The following SON variants were observed in gnomAD, a reference collection of about 807,000 sequenced individuals.
The protein encoded by SON is SON DNA and RNA binding protein, also known as protein SON.
SON carries 4 observed loss-of-function variants against 173.3 expected under a neutral mutation model. That is an observed-to-expected ratio of 0.02 (90% CI 0.01 to 0.05). The LOEUF is 0.05. Ranked by LOEUF, SON falls within the 10% of genes least tolerant of loss-of-function variation. The probability of loss-of-function intolerance (pLI) is 1.00; values close to 1 mark genes in which losing one functional copy is unlikely to be tolerated. For synonymous variants in SON, 1,190 were observed against 1,105.9 expected (o/e 1.08, Z -1.51); for missense variants, 2,626 against 3,055.3 (o/e 0.86, Z 3.31).
intron 8 of SON, among the ~76,000 whole-genome samples, chr21:33,571,513 C>G (rs1036573578): frequency 2.0e-5 from 3 of 152,154 alleles, no homozygotes; most frequent in Non-Finnish European, 4.4e-5. Context: ...TATCAGTAGT[C>G]TCATTAATCA....
At position 33,550,556 on chromosome 21, in the gene SON, C is replaced by G; in HGVS notation, c.1325C>G (p.Ser442Cys). The G allele has an allele frequency of 6.2e-7, 1 of 1,613,914 alleles. No homozygotes were observed. The highest frequency in any genetic ancestry group is 8.5e-7 in the Non-Finnish European group (1 of 1,179,940). ...ATAVPELPGPSVTPVPQLSQE... is the reference protein window; with the variant it reads ...ATAVPELPGPCVTPVPQLSQE... ...GCAGTGCCTGAGTTGCCAGGGCCCTCTGTGACACCAGTGCCACAGTTGTCG... is the reference window on the plus strand; with the variant it reads ...GCAGTGCCTGAGTTGCCAGGGCCCTGTGTGACACCAGTGCCACAGTTGTCG... The change falls in exon 3 of 12, where the codon TCT (serine) becomes TGT (cysteine). Residue 442 changes from serine (S) to cysteine (C), a missense_variant. Ser to Cys is a moderately radical substitution (Grantham distance 112). Coordinates refer to ENST00000356577, the MANE Select transcript of SON (RefSeq NM_138927.4).
In SON at chr21:33,552,645, C is replaced by G. The variant is rs1370100785; in HGVS notation, c.3414C>G (p.Asp1138Glu). ...ATTCTTACACCGATTCTTACACTGA[C>G]ACATATACAGAGGCATATATGGTGC... ...AADSYTDSYT[D>E]TYTEAYMVPP... The change falls in exon 3 of 12, where the codon GAC becomes GAG. Residue 1138 changes from aspartate (D) to glutamate (E), a missense_variant. Coordinates refer to ENST00000356577, the MANE Select transcript of SON (RefSeq NM_138927.4). This position sits in a 1 kb window ranked among gnomAD's most constrained non-coding sequence, Gnocchi z 5.6. The G allele has an allele frequency of 6.2e-7, 1 of 1,614,072 alleles. No individual in the cohort carries two copies. The highest frequency in any genetic ancestry group is 8.5e-7 in the Non-Finnish European group (1 of 1,180,008).
In SON at chr21:33,575,550, A is replaced by C. The variant is rs9978525; in HGVS notation, c.7034-46A>C. The C allele has an allele frequency of 0.12, 173,521 of 1,449,308 alleles. 15,526 individuals carry two copies. The highest frequency in any genetic ancestry group is 0.49 in the East Asian group (21,442 of 43,778). The allele number at this position is 1,449,308 out of a possible 1,614,324, so 89.8% of individuals were successfully genotyped here. A position where few individuals can be genotyped will look rare whatever the true frequency, so the allele number is the denominator to read the frequency against. ...ACTCCTACAGAGGGATCTTTGTTTT[A>C]AAGTGGTGCTTTGAAATTTATTTAG... On this transcript the variant is annotated intron_variant, in intron 9 of 11. Transcript: ENST00000356577.
In SON at chr21:33,552,063, A is replaced by G. The variant is rs532698137; in HGVS notation, c.2832A>G (p.Leu944=). Residue 944 remains leucine (L), a synonymous_variant, in exon 3 of 12, where the codon TTA becomes TTG. Coordinates refer to ENST00000356577, the MANE Select transcript of SON (RefSeq NM_138927.4). This position sits in a 1 kb window ranked among gnomAD's most constrained non-coding sequence, Gnocchi z 5.6. ...PYRLGHDAYR[L]GQDPYRLGHD... ...GATTAGGTCATGATGCTTACAGGTT[A>G]GGACAAGACCCTTATAGATTAGGCC... The G allele has an allele frequency of 1.9e-6, 3 of 1,614,120 alleles. No individual in the cohort carries two copies. The highest frequency in any genetic ancestry group is 3.3e-5 in the Admixed American group (2 of 60,022).
rs1445969005 is a variant in SON, at chr21:33,547,966, A to T, written c.245-1510A>T. On this transcript the variant is annotated intron_variant, in intron 2 of 11. Transcript: ENST00000356577. Reference sequence around the variant, plus strand: ...TCTTGATCTCCTGGCCTCGTGATCCACACGTCTTGGCCTCCCAAAGTGCTG... The same window carrying T: ...TCTTGATCTCCTGGCCTCGTGATCCTCACGTCTTGGCCTCCCAAAGTGCTG... 2.0e-5 allele frequency among the ~76,000 whole-genome samples: 3 copies of T among 151,300 alleles called. No individual in the cohort carries two copies. The East Asian group carries it at 5.8e-4, about 29-fold the overall frequency.
At position 33,550,382 on chromosome 21, in the gene SON, C is replaced by T. The variant is rs779585403; in HGVS notation, c.1151C>T (p.Pro384Leu). 5.6e-6 allele frequency: 9 copies of T among 1,614,076 alleles called. No individual in the cohort carries two copies. Among genetic ancestry groups the T allele is most frequent in the Non-Finnish European group, 6.8e-6 (8 of 1,180,026 alleles). ...ESSVASAMEL[P>L]GPPATSMPEL... is the part of the protein sequence containing the mutation. ...TCGGTGGCCTCAGCGATGGAGTTGC[C>T]GGGGCCACCTGCGACCTCCATGCCG... The change falls in exon 3 of 12, where the codon CCG becomes CTG. Residue 384 changes from proline (P) to leucine (L), a missense_variant. Physicochemically the swap from Pro to Leu is moderately conservative, Grantham distance 98. Coordinates refer to ENST00000356577, the MANE Select transcript of SON (RefSeq NM_138927.4).
chr21:33,555,834 G>A (rs1279122541), intron 3 of SON, among the ~76,000 whole-genome samples: 1 of 152,190 alleles, frequency 6.6e-6, no homozygotes, highest in East Asian at 1.9e-4. Flanking sequence ...TTATAGGACT[G>A]TTAAATGAAG....
rs1039987400 is a variant in SON, at chr21:33,549,081, G to T, written c.245-395G>T. Reference sequence around the variant, plus strand: ...TTAACGTGAGGTGTTATACTGTGGGGTTTTTTTTTTTTTTTGAGACAGAGT... The same window carrying T: ...TTAACGTGAGGTGTTATACTGTGGGTTTTTTTTTTTTTTTTGAGACAGAGT... On this transcript the variant is annotated intron_variant, in intron 2 of 11. Coordinates refer to ENST00000356577, the MANE Select transcript of SON (RefSeq NM_138927.4). Among the ~76,000 whole-genome samples, 534 of 141,236 alleles carry T rather than the reference G, an allele frequency of 3.8e-3. 3 individuals are homozygous for T. Among genetic ancestry groups the T allele is most frequent in the African/African-American group, 0.013 (493 of 38,694 alleles). 92.7% of individuals were successfully genotyped at this position (141,236 alleles called of 152,430 possible). A position where few individuals can be genotyped will look rare whatever the true frequency, so the allele number is the denominator to read the frequency against.
In SON at chr21:33,554,922, C is replaced by T. The variant is rs2085926509; in HGVS notation, c.5691C>T (p.His1897=). 1 of 1,613,996 alleles carries T rather than the reference C, an allele frequency of 6.2e-7. No homozygotes were observed. Among genetic ancestry groups the T allele is most frequent in the Admixed American group, 1.7e-5 (1 of 60,000 alleles). ...AGAAGCGCAAAAGATCTCCAAAGCA[C>T]AGATCCAAGTCTAGGGAAAGAAAAA... The part of the protein sequence containing the change: ...SKEKRKRSPK[H]RSKSRERKRK... The change falls in exon 3 of 12, where the codon CAC becomes CAT. Residue 1897 remains histidine (H), a synonymous_variant. Transcript: ENST00000356577.
In SON at chr21:33,546,512, G is replaced by T. The variant is rs1334453157; in HGVS notation, c.244+133G>T. ...TAAAAACTTTAGGCTGGGTGCGATG[G>T]CTCACGCCTGTAATCCCAGCACTTT... On this transcript the variant is annotated intron_variant, in intron 2 of 11. Coordinates refer to ENST00000356577, the MANE Select transcript of SON (RefSeq NM_138927.4). 7.1e-5 allele frequency: 47 copies of T among 661,786 alleles called. No individual in the cohort carries two copies. The Middle Eastern group carries it at 1.8e-3, about 25-fold the overall frequency. The allele number at this position is 661,786 out of a possible 1,614,324, so 41.0% of individuals were successfully genotyped here.
In SON at chr21:33,567,320, C is replaced by G. The variant is rs777001050; in HGVS notation, c.6768+53C>G. The G allele has an allele frequency of 4.1e-6, 4 of 973,424 alleles. No homozygotes were observed. In the South Asian group the frequency reaches 5.2e-5, roughly 13 times the overall value. 60.3% of individuals were successfully genotyped at this position (973,424 alleles called of 1,614,324 possible). On this transcript the variant is annotated intron_variant, in intron 7 of 11. Coordinates refer to ENST00000356577, the MANE Select transcript of SON (RefSeq NM_138927.4). ...ATTATTTACCATCAGCCAACTCACA[C>G]CAATGTACCAGTTTTAATGTCTAAA...
In SON at chr21:33,543,041, C is replaced by G. The variant is rs1483279947; in HGVS notation, c.-52C>G. The G allele has an allele frequency of 6.4e-7, 1 of 1,562,310 alleles. No homozygotes were observed. Among genetic ancestry groups the G allele is most frequent in the Non-Finnish European group, 8.8e-7 (1 of 1,132,580 alleles). On this transcript the variant is annotated 5_prime_UTR_variant, in exon 1 of 12. Coordinates refer to ENST00000356577, the MANE Select transcript of SON (RefSeq NM_138927.4). ...CCCGTGCGCCTCCTCCCGAGGCATG[C>G]TGGGAGCCTGGAGGACTAGCGAGGA...
chr21:33,547,179 G>C (rs375182798), intron 2 of SON: 4 of 151,756 alleles, frequency 2.6e-5, no homozygotes, highest in African/African-American at 9.7e-5. Flanking sequence ...GGGTTTCACC[G>C]TGTTGGCCAG....
At position 33,553,561 on chromosome 21, in the gene SON, ACTGTGACAGTTTCAGAGCCTG is replaced by A. The variant is rs775031955; in HGVS notation, c.4335_4355del (p.Pro1450_Glu1456del). On this transcript the variant is annotated inframe_deletion, in exon 3 of 12. Coordinates refer to ENST00000356577, the MANE Select transcript of SON (RefSeq NM_138927.4). ...ACCATCTGTTTCTGTCCAGGAATCG[ACTGTGACAGTTTCAGAGCCTG>A]CTGTCACAGTCTCAGAGCAGACTCA... The A allele has an allele frequency of 6.2e-7, 1 of 1,614,148 alleles. No homozygotes were observed. The highest frequency in any genetic ancestry group is 1.1e-5 in the South Asian group (1 of 91,084).
At chr21:33,561,819 T>C (rs911119537) in intron 6 of SON, among the ~76,000 whole-genome samples, 6 of 152,226 alleles carry the variant, frequency 3.9e-5, no homozygotes, top group Admixed American at 3.3e-4. Context: ...ATGGTGACAT[T>C]ATTTTTTGTT....
At chr21:33,547,496 A>G (rs2085646518) in intron 2 of SON, among the ~76,000 whole-genome samples, 1 of 152,118 alleles carries the variant, frequency 6.6e-6, no homozygotes, top group Non-Finnish European at 1.5e-5. Flanking sequence ...CAAGTTTGTA[A>G]TATGGTTGGT....
rs1490508400 is a variant in SON at position 33,552,779 on chromosome 21, C to T, written c.3548C>T (p.Pro1183Leu). The T allele has an allele frequency of 6.2e-7, 1 of 1,613,752 alleles. No homozygotes were observed. The highest frequency in any genetic ancestry group is 8.5e-7 in the Non-Finnish European group (1 of 1,180,030). The change falls in exon 3 of 12, where the codon CCC (proline) becomes CTC (leucine). Residue 1183 changes from proline to leucine, a missense_variant. Pro to Leu is a moderately conservative substitution (Grantham distance 98). This residue lies in a region of SON where 1,006 missense variants were observed against 895.6 expected (regional missense o/e 1.12). Coordinates refer to ENST00000356577, the MANE Select transcript of SON (RefSeq NM_138927.4). This position sits in a 1 kb window ranked among gnomAD's most constrained non-coding sequence, Gnocchi z 5.6. ...PEEPPEGPAL[P>L]TEQSALTAEN... is the part of the protein sequence containing the mutation. ...GAACCACCAGAGGGTCCAGCATTGCCCACTGAGCAGTCAGCATTAACAGCT... is the reference window on the plus strand; with the variant it reads ...GAACCACCAGAGGGTCCAGCATTGCTCACTGAGCAGTCAGCATTAACAGCT...
chr21:33,561,268 A>G lies in SON; in HGVS notation c.6657+1493A>G, dbSNP rs181199101. Among the ~76,000 whole-genome samples, 279 of 152,262 alleles carry G rather than the reference A, an allele frequency of 1.8e-3. 4 individuals are homozygous for G. Among genetic ancestry groups the G allele is most frequent in the East Asian group, 3.5e-3 (18 of 5,170 alleles). On this transcript the variant is annotated intron_variant, in intron 6 of 11. Coordinates refer to ENST00000356577, the MANE Select transcript of SON (RefSeq NM_138927.4). Reference sequence around the variant, plus strand: ...GACCATTTGAGTTGTTAATCCCCCAATCAGGCTACCTGCATATCTCAAGAG... The same window carrying G: ...GACCATTTGAGTTGTTAATCCCCCAGTCAGGCTACCTGCATATCTCAAGAG...
chr21:33,548,872 A>T (rs1481130339), intron 2 of SON, among the ~76,000 whole-genome samples: 2 of 152,228 alleles, frequency 1.3e-5, no homozygotes, highest in South Asian at 2.1e-4. Flanking sequence ...ATGATTTGAG[A>T]GCTGGAGGGA....
Sources: gnomAD v4.1 joint callset for allele counts (sites outside exome capture counted in the v4.1 genomes callset) on GRCh38, gnomAD v4.1.1 for gene constraint, gnomAD v4.1.1 regional missense constraint, Gnocchi (gnomAD v3.1) non-coding constraint, MANE v1.5 for transcripts, NCBI Gene and HGNC (gene_info 2026-07-23, HGNC 2026-07-21) for gene names.